Variants in LRRC7 observed in about 807,000 individuals in gnomAD.
LRRC7 encodes the protein leucine rich repeat containing 7.
A neutral mutation model predicts 175.7 loss-of-function variants in LRRC7; 23 were observed. The observed-to-expected ratio is 0.13, with a 90% CI of 0.09 to 0.19. LRRC7 has a LOEUF of 0.19. Ranked by LOEUF, LRRC7 falls within the 10% of genes least tolerant of loss-of-function variation. LRRC7 has a pLI of 1.00. For missense variants in LRRC7, 1,354 were observed against 1,904.7 expected, an observed-to-expected ratio of 0.71 and a Z score of 5.38; for synonymous variants, 685 against 680.9, an observed-to-expected ratio of 1.01 and a Z score of -0.09.
chr1:69,681,992 G>A (rs934183054), intron 2 of LRRC7, among the ~76,000 whole-genome samples: 1 of 152,168 alleles, frequency 6.6e-6, no homozygotes, highest in East Asian at 1.9e-4. Context: ...CTAGGTTGAA[G>A]TCTTATCAAA....
intron 7 of LRRC7, among the ~76,000 whole-genome samples, chr1:69,854,685 C>T (rs1683384444): frequency 6.6e-6 from 1 of 151,980 alleles, no homozygotes; most frequent in Admixed American, 6.6e-5. Flanking sequence ...ATGAGTATTC[C>T]TTTGGGGGAA....
chr1:69,856,106 G>A (rs2101495441), intron 7 of LRRC7, among the ~76,000 whole-genome samples: 1 of 152,196 alleles, frequency 6.6e-6, no homozygotes, highest in East Asian at 1.9e-4. Context: ...CTTTTAATTG[G>A]AGCATTTAGC....
At chr1:70,004,127 C>T (rs1356402986) in intron 11 of LRRC7, among the ~76,000 whole-genome samples, 1 of 152,136 alleles carries the variant, frequency 6.6e-6, no homozygotes, top group African/African-American at 2.4e-5. Flanking sequence ...TGCTTAAAAT[C>T]ACTCAACATT....
intron 8 of LRRC7, among the ~76,000 whole-genome samples, chr1:69,934,071 G>A (rs1647684710): frequency 6.6e-6 from 1 of 152,086 alleles, no homozygotes; most frequent in African/African-American, 2.4e-5. Context: ...GCATGGAACT[G>A]GCTGTTGTTG....
At chr1:70,021,258 A>G in intron 16 of LRRC7, 129 bp downstream of exon 16, 1 of 831,284 alleles carries the variant, frequency 1.2e-6, no homozygotes, top group Non-Finnish European at 1.8e-6. Flanking sequence ...CTTTCATTAC[A>G]GCATGCTGGT....
rs78693269 is a variant in LRRC7, at chr1:69,652,340, A to G, written c.3-26041A>G. ...ACAAAAAATAAATTACATTCTGTAC[A>G]TTAACAATGAATAATTCAAAAAGGA... On this transcript the variant is annotated intron_variant, in intron 1 of 26. Coordinates refer to ENST00000651989, the MANE Select transcript of LRRC7 (RefSeq NM_001370785.2). 4.5e-3 allele frequency among the ~76,000 whole-genome samples: 678 copies of G among 152,336 alleles called. 47 individuals carry two copies. The East Asian group carries it at 0.12, about 27-fold the overall frequency.
At chr1:69,954,885 T>C (rs1040037004) in intron 8 of LRRC7, among the ~76,000 whole-genome samples, 1 of 152,094 alleles carries the variant, frequency 6.6e-6, no homozygotes, top group African/African-American at 2.4e-5. Context: ...TAAATAGTTA[T>C]TAGCAATCTA....
rs769117658 is a variant in LRRC7 at position 70,039,247 on chromosome 1, C to T, written c.3423C>T (p.Phe1141=). 6.8e-6 allele frequency: 11 copies of T among 1,612,906 alleles called. No homozygotes were observed. The highest frequency in any genetic ancestry group is 2.2e-5 in the South Asian group (2 of 91,030). Residue 1141 remains phenylalanine (F), a synonymous_variant, in exon 21 of 27, where the codon TTC becomes TTT. Coordinates refer to ENST00000651989, the MANE Select transcript of LRRC7 (RefSeq NM_001370785.2). ...AGGATGCTGTGGTGAATGCCCAGTT[C>T]GCAAGCCAAGGGGCCAGGGCGGGCT... is the stretch of plus-strand genomic sequence containing the variant. ...VNEDAVVNAQ[F]ASQGARAGFL...
Position 70,114,685 on chromosome 1 carries a change from C to T in LRRC7, c.4620+6859C>T, listed in dbSNP as rs543247764. Among the ~76,000 whole-genome samples the T allele has an allele frequency of 2.6e-5, 4 of 152,188 alleles. No homozygotes were observed. In the South Asian group the frequency reaches 6.2e-4, roughly 24 times the overall value. Reference sequence around the variant, plus strand: ...CCTGGGTTACAGAATGAGAACCCATCGTTAAACTGTCTTTTAAAGTGTGGT... The same window carrying T: ...CCTGGGTTACAGAATGAGAACCCATTGTTAAACTGTCTTTTAAAGTGTGGT... On this transcript the variant is annotated intron_variant, in intron 26 of 26. Transcript: ENST00000651989.
chr1:69,790,285 A>T (rs1330091333), intron 3 of LRRC7, among the ~76,000 whole-genome samples: 2 of 152,032 alleles, frequency 1.3e-5, no homozygotes, highest in Non-Finnish European at 2.9e-5. Flanking sequence ...CTGATTCCAC[A>T]TACCATATTC....
At chr1:69,597,318 A>G (rs376643819) in intron 1 of LRRC7, among the ~76,000 whole-genome samples, 1 of 152,094 alleles carries the variant, frequency 6.6e-6, no homozygotes, top group African/African-American at 2.4e-5. Flanking sequence ...GGGTTATTCA[A>G]TTTTGCTGAA....
At chr1:69,795,725 T>C (rs1246005016) in intron 4 of LRRC7, among the ~76,000 whole-genome samples, 1 of 152,180 alleles carries the variant, frequency 6.6e-6, no homozygotes, top group East Asian at 1.9e-4. Context: ...AGATTCAATC[T>C]GATCTTGATT....
At chr1:69,736,045 A>G (rs1668081535) in intron 2 of LRRC7, among the ~76,000 whole-genome samples, 1 of 152,136 alleles carries the variant, frequency 6.6e-6, no homozygotes, top group Non-Finnish European at 1.5e-5. Context: ...AAAAATGGAT[A>G]CATTTAGTAA....
At chr1:69,833,261 A>G (rs1680733762) in intron 5 of LRRC7, among the ~76,000 whole-genome samples, 1 of 152,172 alleles carries the variant, frequency 6.6e-6, no homozygotes, top group Non-Finnish European at 1.5e-5. Flanking sequence ...CCTTGGGGAA[A>G]TGTACACAGT....
rs1036029506 is a variant in LRRC7, at chr1:70,139,633, T to C, written c.*17746T>C. ...TTGAAAACTAGCTCTGCAGGAAGGG[T>C]TAAATCAAATCCTTTACAGGGTGAC... On this transcript the variant is annotated 3_prime_UTR_variant, in exon 27 of 27. Coordinates refer to ENST00000651989, the MANE Select transcript of LRRC7 (RefSeq NM_001370785.2). 1 of 152,096 alleles carries C rather than the reference T, an allele frequency of 6.6e-6. No homozygotes were observed. The highest frequency in any genetic ancestry group is 1.5e-5 in the Non-Finnish European group (1 of 67,994). 9.4% of individuals were successfully genotyped at this position (152,096 alleles called of 1,614,324 possible). A position where few individuals can be genotyped will look rare whatever the true frequency, so the allele number is the denominator to read the frequency against.
chr1:69,929,673 T>G (rs1647209205), intron 7 of LRRC7, among the ~76,000 whole-genome samples: 1 of 152,236 alleles, frequency 6.6e-6, no homozygotes, highest in African/African-American at 2.4e-5. Flanking sequence ...ATTAGCCTTC[T>G]CTTTGATCTT....
At chr1:70,035,626 A>C (rs1659228781) in intron 18 of LRRC7, among the ~76,000 whole-genome samples, 1 of 70,326 alleles carries the variant, frequency 1.4e-5, no homozygotes, top group African/African-American at 1.1e-4. Context: ...AGGGATGCAC[A>C]AAAAAAAAAA....
chr1:69,765,942 A>C (rs943226002), intron 3 of LRRC7, among the ~76,000 whole-genome samples: 1 of 152,100 alleles, frequency 6.6e-6, no homozygotes, highest in African/African-American at 2.4e-5. Context: ...AAAAAGCAAT[A>C]AACAAAATGT....
chr1:69,831,256 A>C (rs1680497629), intron 5 of LRRC7, among the ~76,000 whole-genome samples: 1 of 152,036 alleles, frequency 6.6e-6, no homozygotes, highest in Non-Finnish European at 1.5e-5. Context: ...TTGAAAAGTC[A>C]TATGTAAGTA....
Sources: allele counts gnomAD v4.1 joint callset (sites outside exome capture counted in the v4.1 genomes callset), GRCh38; gene constraint gnomAD v4.1.1; transcripts MANE v1.5; gene names NCBI Gene and HGNC (gene_info 2026-07-23, HGNC 2026-07-21).